SRD5A1: variants seen among roughly 807,000 people sequenced by gnomAD.
SRD5A1 encodes the protein 3-oxo-5-alpha-steroid 4-dehydrogenase 1.
A neutral mutation model predicts 28.2 loss-of-function variants in SRD5A1; 22 were observed. That is an observed-to-expected ratio of 0.78 (90% CI 0.56 to 1.12). SRD5A1 has a LOEUF of 1.12. SRD5A1 is among the 50% of genes most tolerant of loss of function. The probability of loss-of-function intolerance (pLI) is 0.00; values close to 1 mark genes in which losing one functional copy is unlikely to be tolerated. For missense variants in SRD5A1, 300 were observed against 346.7 expected (o/e 0.87, Z 1.07); for synonymous variants, 151 against 135.0 (o/e 1.12, Z -0.82).
At chr5:6,664,476 C>T (rs1052808500) in intron 4 of SRD5A1, among the ~76,000 whole-genome samples, 2 of 152,190 alleles carry the variant, frequency 1.3e-5, no homozygotes, top group African/African-American at 4.8e-5. Flanking sequence ...ACAATCTCAG[C>T]TCACTGCCAC....
chr5:6,667,917 G>A lies in SRD5A1; in HGVS notation c.714-285G>A, dbSNP rs529283075. Among the ~76,000 whole-genome samples, 8 of 152,304 alleles carry A rather than the reference G, an allele frequency of 5.3e-5. No homozygotes were observed. The South Asian group carries it at 8.3e-4, about 16-fold the overall frequency. ...CCCCGGGGGCTGAAAAGACAGCTCC[G>A]CAATGTGCTGATCAGTATTTTCATC... On this transcript the variant is annotated intron_variant, in intron 4 of 4. Transcript: ENST00000274192.
At chr5:6,661,755 A>T (rs541956032) in intron 3 of SRD5A1, among the ~76,000 whole-genome samples, 23 of 151,510 alleles carry the variant, frequency 1.5e-4, no homozygotes, top group Admixed American at 9.9e-4. Flanking sequence ...CTGGTCTCCA[A>T]CTCCTGACCT....
chr5:6,640,064 T>C (rs1410777378), intron 1 of SRD5A1, among the ~76,000 whole-genome samples: 1 of 152,214 alleles, frequency 6.6e-6, no homozygotes, highest in African/African-American at 2.4e-5. Flanking sequence ...AGTGAGGATT[T>C]CATATGCTTG....
At chr5:6,643,994 A>T (rs1399185294) in intron 1 of SRD5A1, among the ~76,000 whole-genome samples, 1 of 152,176 alleles carries the variant, frequency 6.6e-6, no homozygotes, top group African/African-American at 2.4e-5. Flanking sequence ...TCAGGTCAGA[A>T]TTCAACCCAC....
rs1231397486 is a variant in SRD5A1, at chr5:6,670,601, G to A, written c.*2333G>A. ...TTACTGTATATCAAGCACAGCAGTG[G>A]GTGCTGAGGACGGATGGGTAGAAAA... On this transcript the variant is annotated 3_prime_UTR_variant, in exon 5 of 5. Transcript: ENST00000274192. 1 of 152,226 alleles carries A rather than the reference G, an allele frequency of 6.6e-6. No homozygotes were observed. Among genetic ancestry groups the A allele is most frequent in the Non-Finnish European group, 1.5e-5 (1 of 68,056 alleles). The allele number at this position is 152,226 out of a possible 1,614,324, so 9.4% of individuals were successfully genotyped here.
chr5:6,642,128 A>G (rs1738380131), intron 1 of SRD5A1, among the ~76,000 whole-genome samples: 1 of 152,236 alleles, frequency 6.6e-6, no homozygotes, highest in Non-Finnish European at 1.5e-5. Context: ...GAAGAATAGA[A>G]TTCTTTTCTT....
At chr5:6,638,686 T>C (rs1738273400) in intron 1 of SRD5A1, among the ~76,000 whole-genome samples, 1 of 152,242 alleles carries the variant, frequency 6.6e-6, no homozygotes. Flanking sequence ...ATTGGAATAA[T>C]CTGAGAAAAG....
rs1237640286 is a variant in SRD5A1, at chr5:6,672,201, A to T, written c.*3933A>T. ...AGATAATTCCAATAATCAATGTCAA[A>T]CTAGATATTGAAACAGCCCAAGTGT... On this transcript the variant is annotated 3_prime_UTR_variant, in exon 5 of 5. Transcript: ENST00000274192. The T allele has an allele frequency of 6.6e-6, 1 of 152,186 alleles. No homozygotes were observed. The highest frequency in any genetic ancestry group is 1.5e-5 in the Non-Finnish European group (1 of 68,058). The allele number at this position is 152,186 out of a possible 1,614,324, so 9.4% of individuals were successfully genotyped here.
intron 1 of SRD5A1, among the ~76,000 whole-genome samples, chr5:6,646,611 C>T (rs922201840): frequency 3.9e-5 from 6 of 152,150 alleles, no homozygotes; most frequent in East Asian, 1.9e-4. Flanking sequence ...TCTGTGGGAC[C>T]GGTGGTGATA....
intron 1 of SRD5A1, among the ~76,000 whole-genome samples, chr5:6,641,814 A>G (rs1017855472): frequency 6.6e-6 from 1 of 152,258 alleles, no homozygotes; most frequent in Non-Finnish European, 1.5e-5. Context: ...AGCTACGCAG[A>G]AGCACGTCCT....
At chr5:6,645,352 A>G in intron 1 of SRD5A1, 1 of 198,956 alleles carries the variant, frequency 5.0e-6, no homozygotes, top group Non-Finnish European at 1.0e-5. Flanking sequence ...TTAAGTCTGT[A>G]ATTTGGGCTG....
chr5:6,636,056 GTT>G, intron 1 of SRD5A1, among the ~76,000 whole-genome samples: 1 of 150,618 alleles, frequency 6.6e-6, no homozygotes, highest in South Asian at 2.1e-4. Flanking sequence ...GTCAGGTATA[GTT>G]TTTTTTTTAA....
intron 1 of SRD5A1, among the ~76,000 whole-genome samples, chr5:6,650,679 A>C (rs940226489): frequency 1.2e-4 from 18 of 150,714 alleles, no homozygotes; most frequent in African/African-American, 4.4e-4. Context: ...TTTAGGGTAC[A>C]TGTGCACATT....
Position 6,673,082 on chromosome 5 carries a change from CA to C in SRD5A1, c.*4816del, listed in dbSNP as rs1205591681. ...AATTCAGATCCTCTGGGGAGGGCAT[CA>C]ATTATTTCCTATTGTTTTTAGCACC... On this transcript the variant is annotated 3_prime_UTR_variant, in exon 5 of 5. Coordinates refer to ENST00000274192, the MANE Select transcript of SRD5A1 (RefSeq NM_001047.4). 3 of 152,162 alleles carry C rather than the reference CA, an allele frequency of 2.0e-5. No homozygotes were observed. The East Asian group carries it at 5.8e-4, about 29-fold the overall frequency. 9.4% of individuals were successfully genotyped at this position (152,162 alleles called of 1,614,324 possible). A position where few individuals can be genotyped will look rare whatever the true frequency, so the allele number is the denominator to read the frequency against.
intron 4 of SRD5A1, among the ~76,000 whole-genome samples, chr5:6,666,433 C>T (rs1377344712): frequency 6.6e-6 from 1 of 152,188 alleles, no homozygotes; most frequent in African/African-American, 2.4e-5. Context: ...CAGGCGTCAG[C>T]CACCGCGCCT....
chr5:6,662,704 A>G (rs754569916), intron 3 of SRD5A1, 112 bp from the exon 4 acceptor site: 37 of 1,188,772 alleles, frequency 3.1e-5, no homozygotes, highest in Non-Finnish European at 4.3e-5. Flanking sequence ...TGTAAGGATA[A>G]TATTTTTCCG....
rs563641457 is a variant in SRD5A1, at chr5:6,647,162, C to G, written c.294-4680C>G. On this transcript the variant is annotated intron_variant, in intron 1 of 4. Coordinates refer to ENST00000274192, the MANE Select transcript of SRD5A1 (RefSeq NM_001047.4). ...GAGACTGTTTGTTATGATTTCCATT[C>G]TTTTGCATTTGTTGAGGAGTGTTTT... Among the ~76,000 whole-genome samples the G allele has an allele frequency of 7.9e-5, 12 of 152,238 alleles. No homozygotes were observed. The South Asian group carries it at 2.3e-3, about 29-fold the overall frequency.
chr5:6,640,118 G>A (rs891680508), intron 1 of SRD5A1, among the ~76,000 whole-genome samples: 10 of 152,112 alleles, frequency 6.6e-5, no homozygotes, highest in African/African-American at 1.9e-4. Flanking sequence ...TGGTGTGGTG[G>A]CTGGAGCACC....
chr5:6,654,227 T>A (rs966116682), intron 2 of SRD5A1, among the ~76,000 whole-genome samples: 1 of 151,874 alleles, frequency 6.6e-6, no homozygotes, highest in African/African-American at 2.4e-5. Flanking sequence ...TAATTTTTTT[T>A]ATTTTTTTTA....
Sources: allele counts gnomAD v4.1 joint callset (sites outside exome capture counted in the v4.1 genomes callset), GRCh38; gene constraint gnomAD v4.1.1; transcripts MANE v1.5; gene names NCBI Gene and HGNC (gene_info 2026-07-23, HGNC 2026-07-21).